SPRTN: variants seen among roughly 807,000 people sequenced by gnomAD.
SPRTN encodes DNA-dependent metalloprotease SPRTN.
A neutral mutation model predicts 31.9 loss-of-function variants in SPRTN; 11 were observed. That is an observed-to-expected ratio of 0.34 (90% CI 0.22 to 0.57). SPRTN has a LOEUF of 0.57. Among genes scored for constraint, SPRTN ranks in the 20% least tolerant of loss-of-function variants. SPRTN has a pLI of 0.86. For synonymous variants in SPRTN, 185 were observed against 212.1 expected (o/e 0.87, Z 1.11); for missense variants, 482 against 590.1 (o/e 0.82, Z 1.90).
chr1:231,346,768 C>T (rs1378300755), intron 2 of SPRTN, among the ~76,000 whole-genome samples: 1 of 152,002 alleles, frequency 6.6e-6, no homozygotes, highest in African/African-American at 2.4e-5. Context: ...TATGGCCAAA[C>T]CCCATCTCTA....
At chr1:231,347,600 G>A in intron 2 of SPRTN, 197 bp from the exon 3 acceptor site, 1 of 558,728 alleles carries the variant, frequency 1.8e-6, no homozygotes, top group Non-Finnish European at 2.9e-6. Context: ...CTGGGCTCAA[G>A]TGACCCTCCC....
At chr1:231,350,379 T>C (rs1687188763) in intron 3 of SPRTN, among the ~76,000 whole-genome samples, 1 of 152,142 alleles carries the variant, frequency 6.6e-6, no homozygotes, top group South Asian at 2.1e-4. Context: ...AAGGTGCCCA[T>C]AGTCATTTAG....
rs752219141 is a variant in SPRTN, at chr1:231,353,371, C to A, written c.*10C>A. 3 of 1,561,594 alleles carry A rather than the reference C, an allele frequency of 1.9e-6. No homozygotes were observed. The East Asian group carries it at 6.7e-5, about 35-fold the overall frequency. ...CGAAGAAAGTCTTTGAAAAAGGTTT[C>A]AAAGTCTCAAGTACCACCTGTATTA... is the stretch of plus-strand genomic sequence containing the variant. On this transcript the variant is annotated 3_prime_UTR_variant, in exon 5 of 5. Transcript: ENST00000295050.
chr1:231,339,599 C>G, intron 1 of SPRTN, 170 bp from the exon 2 acceptor site: 1 of 799,584 alleles, frequency 1.3e-6, no homozygotes, highest in Non-Finnish European at 2.1e-6. Context: ...GAGGCGCCCG[C>G]GGGGGTTGTA....
rs1454531382 is a variant in SPRTN, at chr1:231,339,700, C to T, written c.222-69C>T. 7 of 1,515,630 alleles carry T rather than the reference C, an allele frequency of 4.6e-6. No individual in the cohort carries two copies. In the African/African-American group the frequency reaches 6.9e-5, roughly 15 times the overall value. 93.9% of individuals were successfully genotyped at this position (1,515,630 alleles called of 1,614,324 possible). A position where few individuals can be genotyped will look rare whatever the true frequency, so the allele number is the denominator to read the frequency against. ...CTGCCAACTGAGTTAGTGTGAACTGCCCAAGAATGTGTAAGGACTTGGGCA... is the reference window on the plus strand; with the variant it reads ...CTGCCAACTGAGTTAGTGTGAACTGTCCAAGAATGTGTAAGGACTTGGGCA... On this transcript the variant is annotated intron_variant, in intron 1 of 4. Coordinates refer to ENST00000295050, the MANE Select transcript of SPRTN (RefSeq NM_032018.7).
At chr1:231,340,223 C>T (rs1456598206) in intron 2 of SPRTN, among the ~76,000 whole-genome samples, 2 of 151,874 alleles carry the variant, frequency 1.3e-5, no homozygotes, top group Non-Finnish European at 2.9e-5. Context: ...GAAAATTAGC[C>T]GGGCGTGGTG....
At chr1:231,344,768 T>G (rs1052194679) in intron 2 of SPRTN, 11 of 282,530 alleles carry the variant, frequency 3.9e-5, no homozygotes, top group Non-Finnish European at 7.1e-5. Flanking sequence ...TTTATATTTT[T>G]TAGAGCAAAA....
At chr1:231,339,141 T>C (rs2102858949) in intron 1 of SPRTN, among the ~76,000 whole-genome samples, 1 of 152,342 alleles carries the variant, frequency 6.6e-6, no homozygotes. Flanking sequence ...AATCTACTCC[T>C]GCACGTGAAC....
At position 231,347,865 on chromosome 1, in the gene SPRTN, T is replaced by G; in HGVS notation, c.390T>G (p.His130Gln). Residue 130 changes from histidine (H) to glutamine (Q), a missense_variant, in exon 3 of 5, where the codon CAT (histidine) becomes CAG (glutamine). This residue lies in a region of SPRTN where 157 missense variants were observed against 239.9 expected (regional missense o/e 0.65). Transcript: ENST00000295050. ...VTNNDKDREG[H>Q]GPEFCKHMHR... ...ATAACGACAAAGACCGAGAAGGGCA[T>G]GGTCCAGAATTTTGTAAACATATGC... 6.2e-7 allele frequency: 1 copy of G among 1,614,064 alleles called. No homozygotes were observed. The highest frequency in any genetic ancestry group is 8.5e-7 in the Non-Finnish European group (1 of 1,180,032).
At position 231,352,869 on chromosome 1, in the gene SPRTN, T is replaced by C. The variant is rs201409837; in HGVS notation, c.978T>C (p.Asn326=). The C allele has an allele frequency of 2.9e-5, 47 of 1,614,090 alleles. No individual in the cohort carries two copies. In the Admixed American group the frequency reaches 7.7e-4, roughly 26 times the overall value. ...VSPAVSNSHQ[N]VLSNYFPRVS... is the part of the protein sequence containing the mutation. The stretch of plus-strand genomic sequence containing the variant: ...CTGCTGTTAGTAACAGTCACCAAAA[T>C]GTTCTAAGCAACTACTTTCCTAGAG... Residue 326 remains asparagine (N), a synonymous_variant, in exon 5 of 5, where the codon AAT becomes AAC. Transcript: ENST00000295050.
intron 3 of SPRTN, among the ~76,000 whole-genome samples, 159 bp downstream of exon 3, chr1:231,348,084 A>G (rs1687116455): frequency 6.6e-6 from 1 of 152,250 alleles, no homozygotes; most frequent in Non-Finnish European, 1.5e-5. Flanking sequence ...GTCTGGGACT[A>G]CATGGTGGAA....
At chr1:231,351,205 T>TTA in intron 3 of SPRTN, 99 bp from the exon 4 acceptor site, 1 of 973,398 alleles carries the variant, frequency 1.0e-6, no homozygotes, top group South Asian at 4.2e-5. Context: ...TTTCAAAAAT[T>TTA]AAAAAAAAAA....
intron 2 of SPRTN, 189 bp downstream of exon 2, chr1:231,340,057 A>C (rs1686825975): frequency 4.0e-6 from 2 of 501,862 alleles, no homozygotes; most frequent in East Asian, 3.7e-5. Context: ...TAAAAAAAAA[A>C]AAAACAAAAA....
chr1:231,340,197 C>CA lies in SPRTN; in HGVS notation c.321+340dup, dbSNP rs111840521. On this transcript the variant is annotated intron_variant, in intron 2 of 4. Coordinates refer to ENST00000295050, the MANE Select transcript of SPRTN (RefSeq NM_032018.7). ...CCAACACGGTGAAACCCCGTCTCTA[C>CA]AAAAAAAAAAATACAGAAAATTAGC... 8.3e-3 allele frequency: 1,308 copies of CA among 156,818 alleles called. 3 individuals carry two copies. The highest frequency in any genetic ancestry group is 0.025 in the South Asian group (175 of 6,948). The allele number at this position is 156,818 out of a possible 1,614,324, so 9.7% of individuals were successfully genotyped here.
At chr1:231,345,971 G>T (rs940594498) in intron 2 of SPRTN, among the ~76,000 whole-genome samples, 1 of 151,668 alleles carries the variant, frequency 6.6e-6, no homozygotes, top group African/African-American at 2.4e-5. Context: ...CAAGCTAATT[G>T]TTTTATTTTT....
intron 2 of SPRTN, chr1:231,344,747 TA>T (rs1188832704): frequency 1.6e-5 from 5 of 303,810 alleles, no homozygotes; most frequent in Admixed American, 4.1e-5. Flanking sequence ...GATTTTTGCT[TA>T]AAAAAATTAT....
At chr1:231,346,428 A>G (rs747754371) in intron 2 of SPRTN, among the ~76,000 whole-genome samples, 105 of 150,952 alleles carry the variant, frequency 7.0e-4, no homozygotes, top group Non-Finnish European at 1.4e-3. Flanking sequence ...GATGGTCTCA[A>G]TGTCCTGACC....
In SPRTN at chr1:231,338,487, C is replaced by T. The variant is rs954306641; in HGVS notation, c.104C>T (p.Ser35Leu). The change falls in exon 1 of 5, where the codon TCG (serine) becomes TTG (leucine). Residue 35 changes from serine (S) to leucine (L), a missense_variant. Around this residue, in one of 2 missense-constraint regions of SPRTN, gnomAD observed 157 missense variants for 239.9 expected, o/e 0.65. Coordinates refer to ENST00000295050, the MANE Select transcript of SPRTN (RefSeq NM_032018.7). ...GAGTCCCTGTCGCTAGTGGACGCGT[C>T]GTGGGAGTTGGTGGACCCCACACCG... is the stretch of plus-strand genomic sequence containing the variant. ...AQESLSLVDA[S>L]WELVDPTPDL... is the part of the protein sequence containing the mutation. The T allele has an allele frequency of 2.5e-6, 4 of 1,614,240 alleles. No homozygotes were observed. The highest frequency in any genetic ancestry group is 3.4e-6 in the Non-Finnish European group (4 of 1,180,028).
rs183323552 is a variant in SPRTN at position 231,353,113 on chromosome 1, C to T, written c.1222C>T (p.Arg408Ter). The change falls in exon 5 of 5, where the codon CGA becomes TGA. Residue 408 changes from arginine to a stop codon, truncating the protein, a stop_gained. Coordinates refer to ENST00000295050, the MANE Select transcript of SPRTN (RefSeq NM_032018.7). LOFTEE classifies it low-confidence loss of function (END_TRUNC). ...SGSEDTFPNK[R>*]PRLEDKTVFD... ...GTCTGAAGATACATTCCCAAATAAA[C>T]GACCTAGGCTAGAAGATAAGACTGT... is the stretch of plus-strand genomic sequence containing the variant. The T allele has an allele frequency of 3.1e-6, 5 of 1,613,472 alleles. No individual in the cohort carries two copies. The highest frequency in any genetic ancestry group is 1.7e-5 in the Admixed American group (1 of 59,912).
Sources: allele counts gnomAD v4.1 joint callset (sites outside exome capture counted in the v4.1 genomes callset), GRCh38; gene constraint gnomAD v4.1.1; regional missense constraint gnomAD v4.1.1; transcripts MANE v1.5; gene names NCBI Gene and HGNC (gene_info 2026-07-23, HGNC 2026-07-21).